The following MAOA variants were observed in gnomAD, a reference collection of about 807,000 sequenced individuals.
MAOA encodes the protein amine oxidase [flavin-containing] A.
A neutral mutation model predicts 42.0 loss-of-function variants in MAOA; 6 were observed. The ratio of observed to expected loss-of-function variants is 0.14; its 90% CI spans 0.08 to 0.28. The LOEUF is 0.28. Ranked by LOEUF, MAOA falls within the 10% of genes least tolerant of loss-of-function variation. MAOA has a pLI of 1.00. For synonymous variants in MAOA, 140 were observed against 154.0 expected, an observed-to-expected ratio of 0.91 and a Z score of 0.67; for missense variants, 262 against 422.3, an observed-to-expected ratio of 0.62 and a Z score of 3.33.
chrX:43,740,383 A>AT (rs1159910217), intron 10 of MAOA, among the ~76,000 whole-genome samples: 2 of 111,706 alleles, frequency 1.8e-5, no homozygotes, highest in Non-Finnish European at 3.8e-5. Context: ...CATTTTTCCC[A>AT]TTTTTATCTC....
chrX:43,701,456 A>G (rs1209699251), intron 3 of MAOA, among the ~76,000 whole-genome samples: 1 of 112,124 alleles, frequency 8.9e-6, no homozygotes, highest in Non-Finnish European at 1.9e-5. Flanking sequence ...ATCTTCACCA[A>G]TTTTAGGTGT....
rs754091271 is a variant in MAOA, at chrX:43,731,237, G to A, written c.646-4G>A. 4 of 1,209,429 alleles carry A rather than the reference G, an allele frequency of 3.3e-6. No individual in the cohort carries two copies. Among genetic ancestry groups the A allele is most frequent in the Admixed American group, 2.2e-5 (1 of 46,008 alleles). ...TTTCCTTTCTTACCTACCTCCTCCT[G>A]TAGGAACGGAAGTTTGTAGGTGGAT... On this transcript the variant is annotated splice_region_variant and splice_polypyrimidine_tract_variant and intron_variant, in intron 6 of 14. Coordinates refer to ENST00000338702, the MANE Select transcript of MAOA (RefSeq NM_000240.4).
At chrX:43,710,537 A>C (rs1027130950) in intron 3 of MAOA, among the ~76,000 whole-genome samples, 2 of 112,564 alleles carry the variant, frequency 1.8e-5, no homozygotes, top group African/African-American at 6.5e-5. Context: ...CATGCAGTAG[A>C]CTTTCTACAA....
At chrX:43,680,099 T>A (rs2033431059) in intron 1 of MAOA, among the ~76,000 whole-genome samples, 1 of 112,082 alleles carries the variant, frequency 8.9e-6, no homozygotes, top group Non-Finnish European at 1.9e-5. Flanking sequence ...ATCAGCAATG[T>A]AAGAGTAGTG....
chrX:43,672,853 G>A (rs1390858412), intron 1 of MAOA, among the ~76,000 whole-genome samples: 1 of 110,279 alleles, frequency 9.1e-6, no homozygotes, highest in East Asian at 2.8e-4. Flanking sequence ...TGCCAGTATT[G>A]AGGATTTTTG....
chrX:43,733,440 C>T (rs982312465), intron 9 of MAOA, among the ~76,000 whole-genome samples: 6 of 111,367 alleles, frequency 5.4e-5, no homozygotes, highest in Non-Finnish European at 1.1e-4. Flanking sequence ...TTTCCCCTCT[C>T]TTCTCATTCC....
chrX:43,657,275 A>ATATATATATATATGAACTGTGTT (rs1369391410), intron 1 of MAOA, among the ~76,000 whole-genome samples: 1 of 100,626 alleles, frequency 9.9e-6, no homozygotes, highest in African/African-American at 3.7e-5. Context: ...AACTGTGTTT[A>ATATATATATATATGAACTGTGTT]TATATATATA....
intron 5 of MAOA, among the ~76,000 whole-genome samples, chrX:43,716,189 G>A (rs1367118598): frequency 1.8e-5 from 2 of 111,628 alleles, no homozygotes; most frequent in Admixed American, 1.9e-4. Flanking sequence ...AAAGGTGGAT[G>A]GTGTAGGAAG....
At chrX:43,743,062 G>T (rs780875399) in intron 12 of MAOA, among the ~76,000 whole-genome samples, 2 of 110,761 alleles carry the variant, frequency 1.8e-5, no homozygotes, top group African/African-American at 6.6e-5. Context: ...GAGTGCCAAC[G>T]GGTTGAGATG....
intron 1 of MAOA, among the ~76,000 whole-genome samples, chrX:43,677,968 G>A (rs1288781946): frequency 9.0e-6 from 1 of 111,623 alleles, no homozygotes; most frequent in African/African-American, 3.3e-5. Context: ...TTGACACTAG[G>A]ATACTTGACA....
intron 3 of MAOA, among the ~76,000 whole-genome samples, chrX:43,708,666 T>C (rs1372543564): frequency 2.8e-5 from 3 of 108,517 alleles, no homozygotes; most frequent in Non-Finnish European, 5.7e-5. Flanking sequence ...CTTGTTGTTT[T>C]TTTTTTTTTT....
Position 43,738,736 on chromosome X carries a change from CCT to C in MAOA, c.1107-1944_1107-1943del, listed in dbSNP as rs765428725. ...TTGGGAGGCTGAGGCGAGAGGATCA[CCT>C]GAGTCCAGGGAGGTTAAGGCTGCAG... On this transcript the variant is annotated intron_variant, in intron 10 of 14. Coordinates refer to ENST00000338702, the MANE Select transcript of MAOA (RefSeq NM_000240.4). 2.7e-5 allele frequency among the ~76,000 whole-genome samples: 3 copies of C among 111,544 alleles called. No individual in the cohort carries two copies. The South Asian group carries it at 1.2e-3, about 43-fold the overall frequency.
intron 1 of MAOA, among the ~76,000 whole-genome samples, chrX:43,658,206 A>G (rs1344580211): frequency 4.5e-5 from 5 of 111,256 alleles, no homozygotes; most frequent in Admixed American, 9.6e-5. Flanking sequence ...TCTCCATACC[A>G]TCTGTATTCT....
chrX:43,721,963 C>G (rs927115715), intron 5 of MAOA, among the ~76,000 whole-genome samples: 4 of 111,103 alleles, frequency 3.6e-5, no homozygotes, highest in African/African-American at 1.3e-4. Context: ...TATTGTGTTA[C>G]TTTGCTGAGA....
At chrX:43,706,562 A>T (rs1460950178) in intron 3 of MAOA, among the ~76,000 whole-genome samples, 2 of 110,690 alleles carry the variant, frequency 1.8e-5, no homozygotes, top group African/African-American at 6.6e-5. Context: ...AGACAGGAGG[A>T]TCACTTGAGC....
chrX:43,713,872 T>A (rs1182409114), intron 5 of MAOA, among the ~76,000 whole-genome samples: 1 of 110,679 alleles, frequency 9.0e-6, no homozygotes, highest in Non-Finnish European at 1.9e-5. Context: ...AGGTGAACAG[T>A]GTAGGGCGAT....
Position 43,683,524 on chromosome X carries a change from G to A in MAOA, c.85G>A (p.Ala29Thr). The change falls in exon 2 of 15, where the codon GCC (alanine) becomes ACC (threonine). Residue 29 changes from alanine to threonine, a missense_variant. This residue lies in a region of MAOA where 141 missense variants were observed against 195.6 expected (regional missense o/e 0.72). Transcript: ENST00000338702. ...IGGGISGLSA[A>T]KLLTEYGVSV... Reference sequence around the variant, plus strand: ...TGTTTTTCCTTTAGGACTATCTGCTGCCAAACTCTTGACTGAATATGGCGT... The same window carrying A: ...TGTTTTTCCTTTAGGACTATCTGCTACCAAACTCTTGACTGAATATGGCGT... 1 of 1,209,861 alleles carries A rather than the reference G, an allele frequency of 8.3e-7. No individual in the cohort carries two copies. Among genetic ancestry groups the A allele is most frequent in the Non-Finnish European group, 1.1e-6 (1 of 893,757 alleles).
chrX:43,711,296 G>A (rs767155186), intron 3 of MAOA, among the ~76,000 whole-genome samples: 15 of 112,391 alleles, frequency 1.3e-4, no homozygotes, highest in Admixed American at 9.4e-4. Flanking sequence ...ATGGATGCTC[G>A]GCAGGCCCAC....
intron 6 of MAOA, 88 bp downstream of exon 6, chrX:43,728,402 G>A: frequency 1.0e-6 from 1 of 998,377 alleles, no homozygotes; most frequent in Non-Finnish European, 1.4e-6. Flanking sequence ...AGTTGCTTCA[G>A]GATTTTGAAA....
Sources: gnomAD v4.1 joint callset for allele counts (sites outside exome capture counted in the v4.1 genomes callset) on GRCh38, gnomAD v4.1.1 for gene constraint, gnomAD v4.1.1 regional missense constraint, MANE v1.5 for transcripts, NCBI Gene and HGNC (gene_info 2026-07-23, HGNC 2026-07-21) for gene names.